ABCG1: variants seen among roughly 807,000 people sequenced by gnomAD.
ABCG1 encodes the protein ATP-binding cassette sub-family G member 1.
ABCG1 carries 29 observed loss-of-function variants against 69.2 expected under a neutral mutation model. That is an observed-to-expected ratio of 0.42 (90% CI 0.31 to 0.57). The LOEUF (loss-of-function observed/expected upper bound fraction) is 0.57. Among genes scored for constraint, ABCG1 ranks in the 20% least tolerant of loss-of-function variants. ABCG1 has a pLI of 0.15. For synonymous variants in ABCG1, 370 were observed against 374.8 expected, an observed-to-expected ratio of 0.99 and a Z score of 0.15; for missense variants, 718 against 898.1, an observed-to-expected ratio of 0.80 and a Z score of 2.56.
chr21:42,281,653 T>G (rs1418819864), intron 5 of ABCG1, among the ~76,000 whole-genome samples: 3 of 152,084 alleles, frequency 2.0e-5, no homozygotes, highest in Admixed American at 6.6e-5. Flanking sequence ...TCAAACCTAT[T>G]TACAAGAACA....
rs1374939184 is a variant in ABCG1 at position 42,296,560 on chromosome 21, T to C, written c.*168T>C. On this transcript the variant is annotated 3_prime_UTR_variant, in exon 15 of 15. Coordinates refer to ENST00000398449, the MANE Select transcript of ABCG1 (RefSeq NM_016818.3). This position sits in a 1 kb window ranked among gnomAD's most constrained non-coding sequence, Gnocchi z 5.4. The stretch of plus-strand genomic sequence containing the variant: ...CTCGTGCTCAGCCACTCTGCCCAGC[T>C]GGGTTGGATCTTCTCTCCATTCCCC... 2 of 623,658 alleles carry C rather than the reference T, an allele frequency of 3.2e-6. No homozygotes were observed. Among genetic ancestry groups the C allele is most frequent in the Non-Finnish European group, 5.7e-6 (2 of 349,886 alleles). The allele number at this position is 623,658 out of a possible 1,614,324, so 38.6% of individuals were successfully genotyped here.
At chr21:42,294,738 C>T in intron 14 of ABCG1, 78 bp downstream of exon 14, 1 of 1,283,910 alleles carries the variant, frequency 7.8e-7, no homozygotes, top group African/African-American at 1.5e-5. Context: ...GTGAGGGGCT[C>T]ACAAAAGCCA....
chr21:42,287,973 A>G lies in ABCG1; in HGVS notation c.1058A>G (p.His353Arg). Residue 353 changes from histidine to arginine, a missense_variant, in exon 9 of 15, where the codon CAC (histidine) becomes CGC (arginine). Around this residue, in one of 2 missense-constraint regions of ABCG1, gnomAD observed 514 missense variants for 574.3 expected, o/e 0.90. Coordinates refer to ENST00000398449, the MANE Select transcript of ABCG1 (RefSeq NM_016818.3). This position sits in a 1 kb window ranked among gnomAD's most constrained non-coding sequence, Gnocchi z 6.2. ...CGGGAGGGCATGTGTGACTCAGACC[A>G]CAAGAGAGACCTCGGGGGTGATGCC... ...AVREGMCDSDHKRDLGGDAEV... is the reference protein window; with the variant it reads ...AVREGMCDSDRKRDLGGDAEV... 6.2e-7 allele frequency: 1 copy of G among 1,613,856 alleles called. No individual in the cohort carries two copies. The highest frequency in any genetic ancestry group is 8.5e-7 in the Non-Finnish European group (1 of 1,179,820).
intron 2 of ABCG1, among the ~76,000 whole-genome samples, chr21:42,261,882 C>A: frequency 6.6e-6 from 1 of 152,286 alleles, no homozygotes; most frequent in South Asian, 2.1e-4. Flanking sequence ...TGATTCTCTG[C>A]GGGTGCCCAC....
chr21:42,243,558 C>T (rs1259200199), intron 2 of ABCG1, among the ~76,000 whole-genome samples: 2 of 150,694 alleles, frequency 1.3e-5, no homozygotes, highest in East Asian at 4.0e-4. Context: ...TTTGTAAAAC[C>T]TGTTCAAGCT....
chr21:42,293,472 A>G (rs1222162420), intron 13 of ABCG1, among the ~76,000 whole-genome samples: 5 of 147,744 alleles, frequency 3.4e-5, no homozygotes, highest in African/African-American at 7.5e-5. Context: ...ACTACACAGT[A>G]CACACCACAC....
intron 14 of ABCG1, 151 bp downstream of exon 14, chr21:42,294,811 T>C: frequency 1.5e-6 from 1 of 681,198 alleles, no homozygotes; most frequent in Non-Finnish European, 2.7e-6. Context: ...ATCTTCCTGC[T>C]AGTTCCACCT....
chr21:42,202,700 C>T (rs1032459141), intron 2 of ABCG1, among the ~76,000 whole-genome samples: 1 of 152,086 alleles, frequency 6.6e-6, no homozygotes. Context: ...CAACCTCTGC[C>T]TCCCAGGCTC....
rs906633768 is a variant in ABCG1 at position 42,209,479 on chromosome 21, TG to T, written c.48+7758del. ...GAGCAAAGCAATATTAGTGAGATGCTGGAATTTATCATCTCTTTGGAGAGAT... is the reference window on the plus strand; with the variant it reads ...GAGCAAAGCAATATTAGTGAGATGCTGAATTTATCATCTCTTTGGAGAGAT... On this transcript the variant is annotated intron_variant, in intron 2 of 15. Coordinates refer to the ABCG1 transcript ENST00000398457. Among the ~76,000 whole-genome samples the T allele has an allele frequency of 2.3e-4, 35 of 152,346 alleles. 1 individual carries two copies. The highest frequency in any genetic ancestry group is 2.2e-3 in the Admixed American group (34 of 15,306).
chr21:42,290,697 C>T (rs1393308044), intron 11 of ABCG1, among the ~76,000 whole-genome samples: 1 of 152,190 alleles, frequency 6.6e-6, no homozygotes, highest in African/African-American at 2.4e-5. Context: ...ATAAATAGCT[C>T]CTCCCTAGGT....
rs2067531263 is a variant in ABCG1 at position 42,204,861 on chromosome 21, C to T, written c.48+3138C>T. ...TATTATATTTGTCTGATTTTGATAC[C>T]TGGGTATGCTAACTAAATAAAATGA... is the stretch of plus-strand genomic sequence containing the variant. On this transcript the variant is annotated intron_variant, in intron 2 of 15. Coordinates refer to the ABCG1 transcript ENST00000398457. 2.0e-5 allele frequency among the ~76,000 whole-genome samples: 3 copies of T among 152,064 alleles called. No homozygotes were observed. The South Asian group carries it at 6.2e-4, about 32-fold the overall frequency.
intron 1 of ABCG1, chr21:42,201,539 G>C: frequency 7.3e-7 from 1 of 1,373,488 alleles, no homozygotes. Flanking sequence ...TAATCTGAGT[G>C]AGCTTCATTC....
intron 1 of ABCG1, among the ~76,000 whole-genome samples, chr21:42,200,857 A>G (rs935200903): frequency 1.3e-5 from 2 of 152,074 alleles, no homozygotes; most frequent in Non-Finnish European, 2.9e-5. Flanking sequence ...CCAAAGTGCT[A>G]GGATTACAGG....
chr21:42,295,228 C>T (rs3788009), intron 14 of ABCG1: 75,003 of 151,486 alleles, frequency 0.5, 20,372 homozygotes, highest in Non-Finnish European at 0.59. Flanking sequence ...GAGGCTGAGG[C>T]GGGAGGGCGG....
At chr21:42,226,787 T>C (rs1351496896) in intron 2 of ABCG1, among the ~76,000 whole-genome samples, 1 of 152,220 alleles carries the variant, frequency 6.6e-6, no homozygotes, top group Non-Finnish European at 1.5e-5. Context: ...CCATGGTCCC[T>C]AGTTTCTACT....
intron 2 of ABCG1, among the ~76,000 whole-genome samples, chr21:42,251,392 G>C (rs1004664984): frequency 1.3e-5 from 2 of 152,216 alleles, no homozygotes; most frequent in African/African-American, 2.4e-5. Flanking sequence ...TGAGATAACA[G>C]AGGCTCAGCG....
At chr21:42,240,921 C>A (rs958580132) in intron 2 of ABCG1, among the ~76,000 whole-genome samples, 1 of 152,254 alleles carries the variant, frequency 6.6e-6, no homozygotes, top group Admixed American at 6.5e-5. Flanking sequence ...CGCTTGCTCA[C>A]ACCCACCAGA....
intron 13 of ABCG1, among the ~76,000 whole-genome samples, chr21:42,294,206 C>T (rs895084551): frequency 1.3e-5 from 2 of 152,132 alleles, no homozygotes; most frequent in Non-Finnish European, 2.9e-5. Context: ...AGGCACTTAG[C>T]CCCCCCGGGG....
At position 42,273,492 on chromosome 21, in the gene ABCG1, C is replaced by CA. The variant is rs879935042; in HGVS notation, c.537+58dup. 5.3e-5 allele frequency: 83 copies of CA among 1,577,858 alleles called. No individual in the cohort carries two copies. Among genetic ancestry groups the CA allele is most frequent in the Non-Finnish European group, 6.8e-5 (79 of 1,160,256 alleles). ...CCCTGCCGCCTGTCCCCAGCGCCCACATTAGACACAGCACTGGCCGAGTGC... is the reference window on the plus strand; with the variant it reads ...CCCTGCCGCCTGTCCCCAGCGCCCACAATTAGACACAGCACTGGCCGAGTGC... On this transcript the variant is annotated intron_variant, in intron 4 of 14. Transcript: ENST00000398449. The surrounding 1 kb of genome is among the most constrained non-coding windows in gnomAD (Gnocchi z 5.3).
Sources: gnomAD v4.1 joint callset for allele counts (sites outside exome capture counted in the v4.1 genomes callset) on GRCh38, gnomAD v4.1.1 for gene constraint, gnomAD v4.1.1 regional missense constraint, Gnocchi (gnomAD v3.1) non-coding constraint, MANE v1.5 for transcripts, NCBI Gene and HGNC (gene_info 2026-07-23, HGNC 2026-07-21) for gene names.